The following PDIA3 variants were observed in gnomAD, a reference collection of about 807,000 sequenced individuals.
PDIA3 encodes the protein protein disulfide isomerase family A member 3.
PDIA3 carries 16 observed loss-of-function variants against 56.9 expected under a neutral mutation model. The ratio of observed to expected loss-of-function variants is 0.28; its 90% CI spans 0.19 to 0.43. The LOEUF is 0.43. Ranked by LOEUF, PDIA3 falls within the 20% of genes least tolerant of loss-of-function variation. The probability of loss-of-function intolerance (pLI) is 1.00; values close to 1 mark genes in which losing one functional copy is unlikely to be tolerated. For synonymous variants in PDIA3, 192 were observed against 216.5 expected, an observed-to-expected ratio of 0.89 and a Z score of 0.99; for missense variants, 485 against 621.3, an observed-to-expected ratio of 0.78 and a Z score of 2.33.
intron 3 of PDIA3, among the ~76,000 whole-genome samples, chr15:43,759,473 CAG>C (rs1015725106): frequency 6.6e-6 from 1 of 151,274 alleles, no homozygotes; most frequent in Non-Finnish European, 1.5e-5. Context: ...TTACAGGAAA[CAG>C]TGTTATTCTA....
intron 4 of PDIA3, 76 bp from the exon 5 acceptor site, chr15:43,763,001 A>G (rs569951797): frequency 2.8e-4 from 397 of 1,408,652 alleles, no homozygotes; most frequent in Non-Finnish European, 3.8e-4. Flanking sequence ...GGTTTATGGA[A>G]TAGACGTTTA....
rs761344431 is a variant in PDIA3 at position 43,773,267 on chromosome 15, C to T, written c.*2049C>T. The T allele has an allele frequency of 1.9e-6, 3 of 1,613,938 alleles. No homozygotes were observed. Among genetic ancestry groups the T allele is most frequent in the Non-Finnish European group, 2.5e-6 (3 of 1,179,972 alleles). On this transcript the variant is annotated 3_prime_UTR_variant, in exon 13 of 13. Transcript: ENST00000300289. ...ATCCATGTCAAAAAGTAAAAATTCT[C>T]ATTCTACCTTGCTTCCGTTCCCAGA...
At chr15:43,748,546 G>T (rs1035891201) in intron 1 of PDIA3, among the ~76,000 whole-genome samples, 15 of 152,104 alleles carry the variant, frequency 9.9e-5, no homozygotes, top group Admixed American at 9.2e-4. Context: ...TGTTACACGT[G>T]CTACCCTAAA....
rs573108506 is a variant in PDIA3, at chr15:43,772,813, C to T, written c.*1595C>T. The T allele has an allele frequency of 8.3e-6, 2 of 240,498 alleles. No individual in the cohort carries two copies. Among genetic ancestry groups the T allele is most frequent in the Admixed American group, 5.4e-5 (1 of 18,600 alleles). 14.9% of individuals were successfully genotyped at this position (240,498 alleles called of 1,614,324 possible). ...TTGTCTAATGTCCTCATTATTTTAT[C>T]CTGAAGATGATGTCATTTCTCAGGA... On this transcript the variant is annotated 3_prime_UTR_variant, in exon 13 of 13. Coordinates refer to ENST00000300289, the MANE Select transcript of PDIA3 (RefSeq NM_005313.5).
chr15:43,752,942 GA>G, intron 1 of PDIA3: 1 of 465,112 alleles, frequency 2.2e-6, no homozygotes, highest in Non-Finnish European at 4.5e-6. Context: ...GGCCCTCTGG[GA>G]AAGGTATTCT....
At chr15:43,770,993 G>T in intron 12 of PDIA3, 112 bp from the exon 13 acceptor site, 1 of 686,314 alleles carries the variant, frequency 1.5e-6, no homozygotes, top group East Asian at 2.7e-5. Context: ...CTCATGGGCA[G>T]TATATGTGGC....
Position 43,746,566 on chromosome 15 carries a change from C to T in PDIA3, c.27C>T (p.Phe9=). Residue 9 remains phenylalanine (F), a synonymous_variant, in exon 1 of 13, where the codon TTC becomes TTT. Transcript: ENST00000300289. ...TGCGCCTCCGCCGCCTAGCGCTGTTCCCGGGTGTGGCGCTGCTTCTTGCCG... is the reference window on the plus strand; with the variant it reads ...TGCGCCTCCGCCGCCTAGCGCTGTTTCCGGGTGTGGCGCTGCTTCTTGCCG... MRLRRLAL[F]PGVALLLAAA... is the part of the protein sequence containing the mutation. 6.2e-7 allele frequency: 1 copy of T among 1,611,060 alleles called. No individual in the cohort carries two copies. The highest frequency in any genetic ancestry group is 8.5e-7 in the Non-Finnish European group (1 of 1,179,412).
At position 43,765,946 on chromosome 15, in the gene PDIA3, T is replaced by G; in HGVS notation, c.779T>G (p.Leu260Ter). The G allele has an allele frequency of 6.2e-7, 1 of 1,613,416 alleles. No homozygotes were observed. The highest frequency in any genetic ancestry group is 8.5e-7 in the Non-Finnish European group (1 of 1,179,482). ...AAAGATTTGATACAGGGCAAGGACTTACTTATTGCTTACTATGATGTGGAC... is the reference window on the plus strand; with the variant it reads ...AAAGATTTGATACAGGGCAAGGACTGACTTATTGCTTACTATGATGTGGAC... ...DNKDLIQGKD[L>*]LIAYYDVDYE... The change falls in exon 7 of 13, where the codon TTA (leucine) becomes TGA (stop). Residue 260 changes from leucine (L) to a stop codon, truncating the protein, a stop_gained. Transcript: ENST00000300289. LOFTEE classifies it high-confidence loss of function.
Position 43,768,466 on chromosome 15 carries a change from T to C in PDIA3, c.1029-23T>C, listed in dbSNP as rs7170377. 151 of 1,543,440 alleles carry C rather than the reference T, an allele frequency of 9.8e-5. No individual in the cohort carries two copies. In the African/African-American group the frequency reaches 1.8e-3, roughly 18 times the overall value. On this transcript the variant is annotated intron_variant, in intron 8 of 12. Coordinates refer to ENST00000300289, the MANE Select transcript of PDIA3 (RefSeq NM_005313.5). ...AGCGGTGGGAATAGATTAACAAGCC[T>C]TACCCTTGTTTTCCAATTGTAGGCG...
rs1258719294 is a variant in PDIA3 at position 43,765,917 on chromosome 15, C to A, written c.750C>A (p.Asp250Glu). Residue 250 changes from aspartate to glutamate, a missense_variant, in exon 7 of 13, where the codon GAC (aspartate) becomes GAA (glutamate). By Grantham distance (45) the Asp-to-Glu change is conservative (BLOSUM62 2). Coordinates refer to ENST00000300289, the MANE Select transcript of PDIA3 (RefSeq NM_005313.5). ...GTATCTGCCCTCACATGACAGAAGA[C>A]AATAAAGATTTGATACAGGGCAAGG... ...IFGICPHMTE[D>E]NKDLIQGKDL... 3.3e-5 allele frequency: 53 copies of A among 1,612,612 alleles called. No homozygotes were observed. The highest frequency in any genetic ancestry group is 4.5e-5 in the Non-Finnish European group (53 of 1,179,380).
rs778771402 is a variant in PDIA3 at position 43,746,549 on chromosome 15, C to T, written c.10C>T (p.Arg4Cys). Residue 4 changes from arginine to cysteine, a missense_variant, in exon 1 of 13, where the codon CGC (arginine) becomes TGC (cysteine). By Grantham distance (180) the Arg-to-Cys change is radical. Transcript: ENST00000300289. ...ACCCCACCTCGCCGCCATGCGCCTC[C>T]GCCGCCTAGCGCTGTTCCCGGGTGT... MRLRRLALFPGVAL... is the reference protein window; with the variant it reads MRLCRLALFPGVAL... The T allele has an allele frequency of 6.3e-5, 101 of 1,603,314 alleles. No individual in the cohort carries two copies. The highest frequency in any genetic ancestry group is 2.0e-4 in the Admixed American group (12 of 59,466).
intron 10 of PDIA3, among the ~76,000 whole-genome samples, 168 bp from the exon 11 acceptor site, chr15:43,770,082 A>G (rs1407615887): frequency 6.6e-6 from 1 of 152,224 alleles, no homozygotes; most frequent in Non-Finnish European, 1.5e-5. Flanking sequence ...CTCTTCCCAC[A>G]TGAACAGCAG....
intron 1 of PDIA3, among the ~76,000 whole-genome samples, chr15:43,750,367 G>A (rs1043981760): frequency 6.6e-6 from 1 of 151,726 alleles, no homozygotes; most frequent in Non-Finnish European, 1.5e-5. Flanking sequence ...TTCCATTATG[G>A]AGTTAATCTG....
chr15:43,757,119 G>C (rs2086783123), intron 3 of PDIA3, among the ~76,000 whole-genome samples: 1 of 152,204 alleles, frequency 6.6e-6, no homozygotes, highest in African/African-American at 2.4e-5. Flanking sequence ...GGATGAGGGG[G>C]AGAAGGCAAC....
At chr15:43,769,424 A>T in intron 9 of PDIA3, 94 bp from the exon 10 acceptor site, 2 of 1,164,100 alleles carry the variant, frequency 1.7e-6, no homozygotes, top group Non-Finnish European at 2.5e-6. Flanking sequence ...CTGTGGTAAC[A>T]CATCAAATTA....
Position 43,765,433 on chromosome 15 carries a change from T to C in PDIA3, c.603-17T>C, listed in dbSNP as rs750406337. The C allele has an allele frequency of 1.4e-6, 2 of 1,384,678 alleles. No homozygotes were observed. The highest frequency in any genetic ancestry group is 3.6e-5 in the Admixed American group (2 of 55,364). The allele number at this position is 1,384,678 out of a possible 1,614,324, so 85.8% of individuals were successfully genotyped here. A position where few individuals can be genotyped will look rare whatever the true frequency, so the allele number is the denominator to read the frequency against. On this transcript the variant is annotated splice_polypyrimidine_tract_variant and intron_variant, in intron 5 of 12. Coordinates refer to ENST00000300289, the MANE Select transcript of PDIA3 (RefSeq NM_005313.5). Reference sequence around the variant, plus strand: ...TCTGCTATCTGCCTACTGAGACTTTTCTTTTTTTTTTTTAAGGGGTATCAT... The same window carrying C: ...TCTGCTATCTGCCTACTGAGACTTTCCTTTTTTTTTTTTAAGGGGTATCAT...
intron 2 of PDIA3, among the ~76,000 whole-genome samples, chr15:43,755,053 C>T (rs542613465): frequency 1.3e-4 from 20 of 152,138 alleles, no homozygotes; most frequent in Admixed American, 3.3e-4. Flanking sequence ...AGGCTGGGCA[C>T]GGTGGCTCAC....
At chr15:43,759,823 C>T (rs996501788) in intron 3 of PDIA3, among the ~76,000 whole-genome samples, 4 of 152,206 alleles carry the variant, frequency 2.6e-5, no homozygotes, top group East Asian at 1.9e-4. Flanking sequence ...TGGTGGCTCA[C>T]GCCTGTAATC....
intron 1 of PDIA3, among the ~76,000 whole-genome samples, chr15:43,752,061 A>G (rs1029615586): frequency 1.7e-4 from 26 of 151,868 alleles, no homozygotes; most frequent in African/African-American, 6.3e-4. Flanking sequence ...TCTTGTCTCT[A>G]TTTTCTCCCT....
Sources: allele counts gnomAD v4.1 joint callset (sites outside exome capture counted in the v4.1 genomes callset), GRCh38; gene constraint gnomAD v4.1.1; transcripts MANE v1.5; gene names NCBI Gene and HGNC (gene_info 2026-07-23, HGNC 2026-07-21).